Variants in FILIP1L observed in about 807,000 individuals in gnomAD.
The protein encoded by FILIP1L is filamin A interacting protein 1 like.
FILIP1L carries 55 observed loss-of-function variants against 96.6 expected under a neutral mutation model. That is an observed-to-expected ratio of 0.57 (90% CI 0.46 to 0.71). FILIP1L has a LOEUF of 0.71. FILIP1L is among the 30% of genes least tolerant of loss of function. The pLI is 0.00. For missense variants in FILIP1L, 1,304 were observed against 1,321.2 expected (o/e 0.99, Z 0.20); for synonymous variants, 467 against 473.9 (o/e 0.99, Z 0.19).
chr3:99,966,566 C>G (rs1381066494), intron 1 of FILIP1L, among the ~76,000 whole-genome samples: 1 of 152,156 alleles, frequency 6.6e-6, no homozygotes, highest in Non-Finnish European at 1.5e-5. Flanking sequence ...TATAAACATT[C>G]AACAAGTAGG....
chr3:99,926,091 G>A (rs566978596), intron 3 of FILIP1L, among the ~76,000 whole-genome samples: 132 of 152,316 alleles, frequency 8.7e-4, no homozygotes, highest in Admixed American at 1.4e-3. Flanking sequence ...TTTAGAATGT[G>A]TGACTCATTG....
chr3:100,094,567 T>C (rs1271599364), intron 1 of FILIP1L, among the ~76,000 whole-genome samples: 12 of 152,034 alleles, frequency 7.9e-5, no homozygotes, highest in Admixed American at 7.9e-4. Context: ...TTTAGCTTCA[T>C]GATCCATTTT....
At chr3:99,921,496 G>A (rs1245226934) in intron 4 of FILIP1L, among the ~76,000 whole-genome samples, 2 of 152,152 alleles carry the variant, frequency 1.3e-5, no homozygotes, top group Non-Finnish European at 2.9e-5. Flanking sequence ...GGCAAAGCAA[G>A]GGAAGTCACA....
At chr3:99,958,380 C>G (rs1708399015) in intron 1 of FILIP1L, among the ~76,000 whole-genome samples, 1 of 151,978 alleles carries the variant, frequency 6.6e-6, no homozygotes, top group African/African-American at 2.4e-5. Context: ...GAACTAGGGC[C>G]TGTTAATGCC....
chr3:99,963,451 G>A (rs966404107), intron 1 of FILIP1L, among the ~76,000 whole-genome samples: 3 of 152,100 alleles, frequency 2.0e-5, no homozygotes, highest in African/African-American at 7.2e-5. Flanking sequence ...AGGGGCTGAC[G>A]GTCTCTGTGG....
chr3:99,952,147 C>A (rs1487203569), intron 1 of FILIP1L, among the ~76,000 whole-genome samples: 1 of 151,874 alleles, frequency 6.6e-6, no homozygotes, highest in Admixed American at 6.6e-5. Context: ...TCGCACAGAC[C>A]ACAGTCTCCT....
At chr3:99,989,682 ATATTT>A (rs916908482) in intron 1 of FILIP1L, among the ~76,000 whole-genome samples, 3 of 23,370 alleles carry the variant, frequency 1.3e-4, no homozygotes, top group African/African-American at 1.0e-3. Context: ...ATATATATAT[ATATTT>A]TTTTTCTTTT....
At chr3:99,930,504 A>G (rs2107662450) in intron 2 of FILIP1L, among the ~76,000 whole-genome samples, 1 of 152,318 alleles carries the variant, frequency 6.6e-6, no homozygotes, top group East Asian at 1.9e-4. Context: ...ATGCATGTGC[A>G]CTGAAGCTCC....
chr3:99,879,309 G>A (rs540413525), intron 4 of FILIP1L, among the ~76,000 whole-genome samples: 2 of 152,310 alleles, frequency 1.3e-5, no homozygotes, highest in East Asian at 3.9e-4. Flanking sequence ...GTCAAAGACA[G>A]CTTAATATCA....
intron 1 of FILIP1L, chr3:100,041,001 G>A (rs572176795): frequency 1.3e-4 from 20 of 152,286 alleles, no homozygotes; most frequent in African/African-American, 4.1e-4. Context: ...CTGTCCTGAA[G>A]TATGTCTTTG....
rs146105609 is a variant in FILIP1L, at chr3:100,076,817, G to A, written c.-11+37236C>T. On this transcript the variant is annotated intron_variant, in intron 1 of 5. Transcript: ENST00000477258. ...AAAGTTGTTTAATAAGATCTTTTGT[G>A]CAGCCTGGGAATTAGTCAGACTTAC... Among the ~76,000 whole-genome samples, 1,105 of 152,282 alleles carry A rather than the reference G, an allele frequency of 7.3e-3. 4 individuals are homozygous for A. The highest frequency in any genetic ancestry group is 0.01 in the African/African-American group (422 of 41,544).
chr3:100,048,798 C>T (rs62285461), intron 1 of FILIP1L, among the ~76,000 whole-genome samples: 28,157 of 151,982 alleles, frequency 0.19, 2,951 homozygotes, highest in South Asian at 0.25. Context: ...TCTCCTAGGA[C>T]ATTTTCTTTC....
At chr3:100,012,961 G>GTATT (rs1018199026) in intron 1 of FILIP1L, among the ~76,000 whole-genome samples, 1 of 151,676 alleles carries the variant, frequency 6.6e-6, no homozygotes, top group Admixed American at 6.6e-5. Context: ...ATGTATGTAT[G>GTATT]TATTTATTTA....
At chr3:99,878,109 T>G (rs1705597153) in intron 4 of FILIP1L, among the ~76,000 whole-genome samples, 1 of 152,220 alleles carries the variant, frequency 6.6e-6, no homozygotes, top group South Asian at 2.1e-4. Context: ...TGCCCTTGCC[T>G]GGTACACTAC....
At chr3:99,909,821 G>A (rs1706735788) in intron 4 of FILIP1L, among the ~76,000 whole-genome samples, 1 of 152,132 alleles carries the variant, frequency 6.6e-6, no homozygotes, top group South Asian at 2.1e-4. Context: ...ATTGAATTCT[G>A]AAATTGCATG....
intron 1 of FILIP1L, among the ~76,000 whole-genome samples, chr3:100,104,098 C>G (rs554915596): frequency 6.6e-6 from 1 of 152,292 alleles, no homozygotes; most frequent in Admixed American, 6.5e-5. Flanking sequence ...TGAAATGAAG[C>G]CAACTGCTCT....
At position 99,830,264 on chromosome 3, in the gene FILIP1L, G is replaced by A. The variant is rs1273972979; in HGVS notation, c.*150C>T. 5 of 340,940 alleles carry A rather than the reference G, an allele frequency of 1.5e-5. No homozygotes were observed. Among genetic ancestry groups the A allele is most frequent in the Non-Finnish European group, 2.9e-5 (5 of 171,690 alleles). 21.1% of individuals were successfully genotyped at this position (340,940 alleles called of 1,614,324 possible). On this transcript the variant is annotated 3_prime_UTR_variant, in exon 6 of 6. Transcript: ENST00000477258. ...ATATAGAAGTAAAATAATTGTAGAC[G>A]TGCTGCTTTTTGGGGGATGATCTTC...
chr3:99,909,120 A>T (rs1355296502), intron 4 of FILIP1L, among the ~76,000 whole-genome samples: 1 of 152,218 alleles, frequency 6.6e-6, no homozygotes, highest in Non-Finnish European at 1.5e-5. Flanking sequence ...TTTCTTGAAC[A>T]AGTAGATGGC....
At chr3:100,027,895 A>T (rs962280125) in intron 1 of FILIP1L, among the ~76,000 whole-genome samples, 4 of 152,166 alleles carry the variant, frequency 2.6e-5, no homozygotes, top group Non-Finnish European at 5.9e-5. Flanking sequence ...AGTGAGAGGG[A>T]AAGTGGTCAG....
Sources: gnomAD v4.1 joint callset for allele counts (sites outside exome capture counted in the v4.1 genomes callset) on GRCh38, gnomAD v4.1.1 for gene constraint, MANE v1.5 for transcripts, NCBI Gene and HGNC (gene_info 2026-07-23, HGNC 2026-07-21) for gene names.